Variants in DKK2 observed in about 807,000 individuals in gnomAD.
DKK2 encodes dickkopf Wnt signaling pathway inhibitor 2, also known as dickkopf-related protein 2.
Under a neutral mutation model 28.1 loss-of-function variants are expected in DKK2, and 11 were observed. That is an observed-to-expected ratio of 0.39 (90% CI 0.25 to 0.65). DKK2 has a LOEUF of 0.65. Ranked by LOEUF, DKK2 falls within the 30% of genes least tolerant of loss-of-function variation. The pLI, the probability that DKK2 is intolerant of heterozygous loss-of-function variation, is 0.47. For synonymous variants in DKK2, 135 were observed against 126.5 expected, an observed-to-expected ratio of 1.07 and a Z score of -0.45; for missense variants, 326 against 335.5, an observed-to-expected ratio of 0.97 and a Z score of 0.22.
chr4:106,938,852 G>A (rs900952331), intron 1 of DKK2, among the ~76,000 whole-genome samples: 1 of 151,004 alleles, frequency 6.6e-6, no homozygotes, highest in South Asian at 2.1e-4. Context: ...CAGAGCCAAA[G>A]ACAAAAACCA....
In DKK2 at chr4:106,925,962, G is replaced by A; in HGVS notation, c.223-13C>T. The A allele has an allele frequency of 6.3e-7, 1 of 1,589,146 alleles. No homozygotes were observed. The highest frequency in any genetic ancestry group is 8.5e-7 in the Non-Finnish European group (1 of 1,171,034). ...TACAAGGGTAGGCCTGTCATCAAGT[G>A]GAACAACACCAGAAGTAAAGGATTA... On this transcript the variant is annotated splice_polypyrimidine_tract_variant and intron_variant, in intron 1 of 3. Transcript: ENST00000285311.
At chr4:106,952,382 T>C (rs1315724155) in intron 1 of DKK2, among the ~76,000 whole-genome samples, 3 of 152,160 alleles carry the variant, frequency 2.0e-5, no homozygotes, top group South Asian at 2.1e-4. Context: ...TATTTTTATT[T>C]CAGCTATACT....
At chr4:107,019,109 C>G (rs533081469) in intron 1 of DKK2, among the ~76,000 whole-genome samples, 1 of 151,952 alleles carries the variant, frequency 6.6e-6, no homozygotes, top group Non-Finnish European at 1.5e-5. Context: ...AGAACTTCAA[C>G]AACGTTTCCA....
In DKK2 at chr4:107,014,844, CA is replaced by C. The variant is rs540324142; in HGVS notation, c.222+20525del. ...ACACACACACACAAACACACACACA[CA>C]CAGTCTTCTATCAGTAGCCATTGTA... On this transcript the variant is annotated intron_variant, in intron 1 of 3. Transcript: ENST00000285311. 9.3e-3 allele frequency among the ~76,000 whole-genome samples: 1,408 copies of C among 151,632 alleles called. 22 individuals carry two copies. The highest frequency in any genetic ancestry group is 0.032 in the African/African-American group (1,330 of 41,496).
At chr4:106,940,789 A>T (rs1475375448) in intron 1 of DKK2, among the ~76,000 whole-genome samples, 1 of 152,166 alleles carries the variant, frequency 6.6e-6, no homozygotes, top group Non-Finnish European at 1.5e-5. Flanking sequence ...ATAAAAAAGG[A>T]TGGGTTCATG....
At chr4:106,935,840 A>C (rs1283265467) in intron 1 of DKK2, among the ~76,000 whole-genome samples, 13 of 152,218 alleles carry the variant, frequency 8.5e-5, no homozygotes, top group East Asian at 3.9e-4. Flanking sequence ...TGGGAGGCAC[A>C]CCCCAGCAGG....
chr4:107,018,884 T>C (rs1002363659), intron 1 of DKK2, among the ~76,000 whole-genome samples: 5 of 152,088 alleles, frequency 3.3e-5, no homozygotes, highest in African/African-American at 9.7e-5. Flanking sequence ...GGGAGCTGAA[T>C]TTCCTGCCAA....
intron 1 of DKK2, among the ~76,000 whole-genome samples, chr4:106,982,396 C>T (rs956550382): frequency 6.6e-6 from 1 of 152,092 alleles, no homozygotes; most frequent in Non-Finnish European, 1.5e-5. Flanking sequence ...TGTCTCATTC[C>T]CTAGTTTCCA....
chr4:106,991,359 T>C (rs1325640075), intron 1 of DKK2, among the ~76,000 whole-genome samples: 2 of 152,166 alleles, frequency 1.3e-5, no homozygotes, highest in African/African-American at 2.4e-5. Flanking sequence ...GTTTTCATCA[T>C]GCTTCACTTC....
At chr4:106,924,344 A>C in intron 3 of DKK2, 140 bp from the exon 4 acceptor site, 1 of 1,317,426 alleles carries the variant, frequency 7.6e-7, no homozygotes, top group Non-Finnish European at 1.0e-6. Flanking sequence ...GTCTTGGTTG[A>C]TACCAATTGG....
intron 1 of DKK2, among the ~76,000 whole-genome samples, chr4:107,000,306 A>G (rs1458304370): frequency 6.6e-6 from 1 of 152,210 alleles, no homozygotes; most frequent in Admixed American, 6.5e-5. Context: ...ACTAGAGATT[A>G]ATTCATCAAC....
chr4:107,012,235 AC>A (rs1400597088), intron 1 of DKK2, among the ~76,000 whole-genome samples: 1 of 151,414 alleles, frequency 6.6e-6, no homozygotes. Context: ...ACAGCTTAAG[AC>A]CCATCACTTA....
chr4:106,937,599 G>C (rs1203411098), intron 1 of DKK2, among the ~76,000 whole-genome samples: 2 of 151,966 alleles, frequency 1.3e-5, no homozygotes, highest in Non-Finnish European at 2.9e-5. Flanking sequence ...ATTGAACTCA[G>C]CTCTTCACCA....
chr4:107,035,711 C>A lies in DKK2; in HGVS notation c.-120G>T. On this transcript the variant is annotated 5_prime_UTR_variant, in exon 1 of 4. It adds an upstream start codon to the 5' untranslated region. Transcript: ENST00000285311. ...CGCGGGGGCTTGCAGATTGTGTTCC[C>A]TCAACCCTTCCTGGTTCGGGGACCC... 1.0e-6 allele frequency: 1 copy of A among 987,618 alleles called. No individual in the cohort carries two copies. The highest frequency in any genetic ancestry group is 1.6e-5 in the African/African-American group (1 of 62,404). The allele number at this position is 987,618 out of a possible 1,614,324, so 61.2% of individuals were successfully genotyped here.
At chr4:107,013,823 G>T (rs1723549071) in intron 1 of DKK2, among the ~76,000 whole-genome samples, 1 of 151,390 alleles carries the variant, frequency 6.6e-6, no homozygotes, top group African/African-American at 2.4e-5. Context: ...GACTATATAA[G>T]GAACTCAAAC....
chr4:107,020,919 A>G (rs145946455), intron 1 of DKK2, among the ~76,000 whole-genome samples: 10 of 152,122 alleles, frequency 6.6e-5, no homozygotes, highest in African/African-American at 1.9e-4. Flanking sequence ...AGAACATACC[A>G]CTGACCTAGG....
chr4:106,925,555 T>C (rs552697873), intron 2 of DKK2, among the ~76,000 whole-genome samples: 1 of 152,366 alleles, frequency 6.6e-6, no homozygotes, highest in African/African-American at 2.4e-5. Context: ...TTGCTATTTA[T>C]ACACAACACT....
chr4:106,931,392 A>G (rs534034678), intron 1 of DKK2, among the ~76,000 whole-genome samples: 19 of 152,294 alleles, frequency 1.2e-4, no homozygotes, highest in African/African-American at 4.6e-4. Context: ...GTGACAATAC[A>G]GTCAAATGTA....
rs946039962 is a variant in DKK2, at chr4:106,954,204, T to C, written c.223-28255A>G. Among the ~76,000 whole-genome samples, 14 of 152,344 alleles carry C rather than the reference T, an allele frequency of 9.2e-5. 1 individual carries two copies. Among genetic ancestry groups the C allele is most frequent in the Admixed American group, 5.9e-4 (9 of 15,294 alleles). ...GTAGCCAGTGTCACCACTGTGCCCA[T>C]TACACTTTTGGAAAATGTATTTAAA... On this transcript the variant is annotated intron_variant, in intron 1 of 3. Transcript: ENST00000285311.
Sources: gnomAD v4.1 joint callset for allele counts (sites outside exome capture counted in the v4.1 genomes callset) on GRCh38, gnomAD v4.1.1 for gene constraint, MANE v1.5 for transcripts, NCBI Gene and HGNC (gene_info 2026-07-23, HGNC 2026-07-21) for gene names.